The following AZI2 variants were observed in gnomAD, a reference collection of about 807,000 sequenced individuals.
AZI2 encodes the protein 5-azacytidine-induced protein 2.
Under a neutral mutation model 45.8 loss-of-function variants are expected in AZI2, and 22 were observed. The ratio of observed to expected loss-of-function variants is 0.48; its 90% confidence interval spans 0.34 to 0.69. AZI2 has a LOEUF of 0.69. Among genes scored for constraint, AZI2 ranks in the 30% least tolerant of loss-of-function variants. The pLI is 0.01. For synonymous variants in AZI2, 137 were observed against 156.7 expected, an observed-to-expected ratio of 0.87 and a Z score of 0.94; for missense variants, 417 against 441.5, an observed-to-expected ratio of 0.94 and a Z score of 0.50.
In AZI2 at chr3:28,322,717, C is replaced by T. The variant is rs375212007; in HGVS notation, c.*1325G>A. 6.6e-6 allele frequency: 1 copy of T among 151,370 alleles called. No homozygotes were observed. Among genetic ancestry groups the T allele is most frequent in the South Asian group, 2.1e-4 (1 of 4,818 alleles). The allele number at this position is 151,370 out of a possible 1,614,324, so 9.4% of individuals were successfully genotyped here. On this transcript the variant is annotated 3_prime_UTR_variant, in exon 8 of 8. Transcript: ENST00000479665. ...CAGAATAAATTCCAGCATCTGACAC[C>T]AATTCCATTAATCACAGACAAGCTT...
chr3:28,333,491 C>A (rs928605917), intron 5 of AZI2, among the ~76,000 whole-genome samples: 9 of 151,406 alleles, frequency 5.9e-5, no homozygotes, highest in African/African-American at 9.7e-5. Context: ...TTTTAGTATC[C>A]TTGTATCATG....
intron 1 of AZI2, among the ~76,000 whole-genome samples, chr3:28,347,588 T>C (rs988885809): frequency 3.9e-5 from 6 of 152,172 alleles, no homozygotes; most frequent in African/African-American, 2.4e-5. Context: ...CTCTTACCCA[T>C]TGTCAAGTAA....
chr3:28,338,766 ATCTT>A, intron 2 of AZI2, 151 bp from the exon 3 acceptor site: 6 of 730,646 alleles, frequency 8.2e-6, no homozygotes, highest in Non-Finnish European at 1.2e-5. Context: ...CCACAAATTA[ATCTT>A]TACATAGAAA....
At position 28,324,374 on chromosome 3, in the gene AZI2, T is replaced by C. The variant is rs182611602; in HGVS notation, c.847A>G (p.Thr283Ala). ...LHLMNFTATY[T>A]RHPPLLPNGK... ...TTTGGTAAGAGAGGGGGATGTCTTG[T>C]GTATGTTGCAGTAAAATTCATCAAG... The change falls in exon 8 of 8, where the codon ACA becomes GCA. Residue 283 changes from threonine to alanine, a missense_variant. Coordinates refer to ENST00000479665, the MANE Select transcript of AZI2 (RefSeq NM_022461.5). 2.0e-5 allele frequency: 31 copies of C among 1,576,508 alleles called. No homozygotes were observed. The African/African-American group carries it at 3.8e-4, about 19-fold the overall frequency.
chr3:28,345,187 C>T (rs1704176182), intron 1 of AZI2, among the ~76,000 whole-genome samples: 1 of 152,056 alleles, frequency 6.6e-6, no homozygotes, highest in South Asian at 2.1e-4. Flanking sequence ...GAATAAGCAC[C>T]CAGGTGATTT....
chr3:28,324,953 C>T (rs1351081567), intron 7 of AZI2: 1 of 150,758 alleles, frequency 6.6e-6, no homozygotes, highest in African/African-American at 2.4e-5. Flanking sequence ...CACAGGCAGT[C>T]CAAAAGCAAA....
intron 6 of AZI2, among the ~76,000 whole-genome samples, chr3:28,330,002 CCTAAT>C (rs757018420): frequency 2.0e-5 from 3 of 151,176 alleles, no homozygotes; most frequent in Non-Finnish European, 4.4e-5. Context: ...TAAACACTAA[CCTAAT>C]CTTTTTTTTT....
chr3:28,329,769 G>A (rs796070491), intron 6 of AZI2, among the ~76,000 whole-genome samples: 36 of 151,022 alleles, frequency 2.4e-4, no homozygotes, highest in African/African-American at 8.2e-4. Flanking sequence ...TGACAACTGC[G>A]GTTCCCCCCA....
Position 28,322,991 on chromosome 3 carries a change from T to TTTA in AZI2, c.*1048_*1050dup, listed in dbSNP as rs1209336567. On this transcript the variant is annotated 3_prime_UTR_variant, in exon 8 of 8. Transcript: ENST00000479665. Reference sequence around the variant, plus strand: ...ATGTGAAGCCATCTTTATTTCCTTCTTTATTTCCAAATAATTGGCCACTTA... The same window carrying TTTA: ...ATGTGAAGCCATCTTTATTTCCTTCTTTATTATTTCCAAATAATTGGCCACTTA... 6.7e-6 allele frequency: 1 copy of TTTA among 149,748 alleles called. No homozygotes were observed. The highest frequency in any genetic ancestry group is 1.5e-5 in the Non-Finnish European group (1 of 66,594). The allele number at this position is 149,748 out of a possible 1,614,324, so 9.3% of individuals were successfully genotyped here.
At position 28,324,071 on chromosome 3, in the gene AZI2, G is replaced by A. The variant is rs535646605; in HGVS notation, c.1150C>T (p.His384Tyr). The stretch of plus-strand genomic sequence containing the variant: ...TTCTTATAAAGGCAGTTCTGATTAT[G>A]TTGATCCAAGTAATGCAGTGGTGGA... Reference protein sequence around the residue: ...NLPPLHYLDQHNQNCLYKN With the variant: ...NLPPLHYLDQYNQNCLYKN The change falls in exon 8 of 8, where the codon CAT becomes TAT. Residue 384 changes from histidine to tyrosine, a missense_variant. Physicochemically the swap from His to Tyr is moderately conservative, Grantham distance 83. Transcript: ENST00000479665. The A allele has an allele frequency of 6.2e-7, 1 of 1,609,284 alleles. No individual in the cohort carries two copies. Among genetic ancestry groups the A allele is most frequent in the Admixed American group, 1.7e-5 (1 of 59,726 alleles).
At chr3:28,337,788 G>T (rs1248011232) in intron 4 of AZI2, 149 bp downstream of exon 4, 7 of 442,562 alleles carry the variant, frequency 1.6e-5, no homozygotes, top group Non-Finnish European at 2.7e-5. Flanking sequence ...GATATTATGT[G>T]AAGGTAGAAC....
At chr3:28,333,819 C>T (rs1703681602) in intron 5 of AZI2, among the ~76,000 whole-genome samples, 1 of 151,534 alleles carries the variant, frequency 6.6e-6, no homozygotes, top group Non-Finnish European at 1.5e-5. Flanking sequence ...GCTACAAAAT[C>T]TTGGGAAATA....
intron 1 of AZI2, among the ~76,000 whole-genome samples, chr3:28,342,751 C>G (rs970264900): frequency 6.7e-6 from 1 of 148,610 alleles, no homozygotes; most frequent in Admixed American, 6.7e-5. Flanking sequence ...ACACACACTC[C>G]CCTTAAAAGT....
chr3:28,325,783 T>C lies in AZI2; in HGVS notation c.766+1049A>G, dbSNP rs562782062. Among the ~76,000 whole-genome samples the C allele has an allele frequency of 2.0e-5, 3 of 151,192 alleles. No individual in the cohort carries two copies. In the East Asian group the frequency reaches 5.8e-4, roughly 29 times the overall value. ...TTATTTGTACATTCAACCTTTGGTC[T>C]CATATATAACTCTGACCACTGGAAA... On this transcript the variant is annotated intron_variant, in intron 7 of 7. Coordinates refer to ENST00000479665, the MANE Select transcript of AZI2 (RefSeq NM_022461.5).
rs945098891 is a variant in AZI2, at chr3:28,348,821, G to A, written c.-226C>T. The stretch of plus-strand genomic sequence containing the variant: ...GGCAGGAGCCCGGGACGTTCTGGAA[G>A]GAGGGACGAGCCGAGGCAGGAGGGG... On this transcript the variant is annotated 5_prime_UTR_variant, in exon 1 of 8. Transcript: ENST00000479665. 2 of 378,804 alleles carry A rather than the reference G, an allele frequency of 5.3e-6. No individual in the cohort carries two copies. Among genetic ancestry groups the A allele is most frequent in the Admixed American group, 6.4e-5 (1 of 15,532 alleles). The allele number at this position is 378,804 out of a possible 1,614,324, so 23.5% of individuals were successfully genotyped here. A position where few individuals can be genotyped will look rare whatever the true frequency, so the allele number is the denominator to read the frequency against.
Position 28,326,821 on chromosome 3 carries a change from C to T in AZI2, c.766+11G>A. On this transcript the variant is annotated intron_variant, in intron 7 of 7. Transcript: ENST00000479665. ...GCTGGAATCAGTGGTTTCCGGTAAA[C>T]AGTGACTTGCCTTTCTTGATTGCAG... 2 of 1,587,302 alleles carry T rather than the reference C, an allele frequency of 1.3e-6. No individual in the cohort carries two copies. The highest frequency in any genetic ancestry group is 1.7e-6 in the Non-Finnish European group (2 of 1,156,668).
chr3:28,332,588 C>CA (rs1384055409), intron 5 of AZI2, among the ~76,000 whole-genome samples, 161 bp from the exon 6 acceptor site: 2 of 151,778 alleles, frequency 1.3e-5, no homozygotes, highest in East Asian at 3.9e-4. Context: ...GAAATACCTC[C>CA]AATCTATAAC....
rs867882745 is a variant in AZI2 at position 28,342,953 on chromosome 3, G to A, written c.-5-2331C>T. The stretch of plus-strand genomic sequence containing the variant: ...CAAGAAATAACATAAACTGCTCTGC[G>A]AAGTCAAAAACAGATACCCTGCAGT... On this transcript the variant is annotated intron_variant, in intron 1 of 7. Transcript: ENST00000479665. Among the ~76,000 whole-genome samples the A allele has an allele frequency of 4.6e-5, 7 of 152,134 alleles. No individual in the cohort carries two copies. In the South Asian group the frequency reaches 6.2e-4, roughly 14 times the overall value.
chr3:28,324,167 G>C lies in AZI2; in HGVS notation c.1054C>G (p.Pro352Ala). Residue 352 changes from proline to alanine, a missense_variant, in exon 8 of 8, where the codon CCA becomes GCA. Coordinates refer to ENST00000479665, the MANE Select transcript of AZI2 (RefSeq NM_022461.5). ...GTCTCACTTGATTTAGGAGGACTTG[G>C]AAATACCCAGGAATTGTCTTCCAGA... ...NSLEDNSWVF[P>A]SPPKSSETAF... The C allele has an allele frequency of 6.2e-7, 1 of 1,610,662 alleles. No homozygotes were observed. Among genetic ancestry groups the C allele is most frequent in the Non-Finnish European group, 8.5e-7 (1 of 1,177,632 alleles).
Sources: gnomAD v4.1 joint callset for allele counts (sites outside exome capture counted in the v4.1 genomes callset) on GRCh38, gnomAD v4.1.1 for gene constraint, MANE v1.5 for transcripts, NCBI Gene and HGNC (gene_info 2026-07-23, HGNC 2026-07-21) for gene names.